SGCD: variants seen among roughly 807,000 people sequenced by gnomAD.
The protein encoded by SGCD is sarcoglycan delta, also known as delta-sarcoglycan.
A neutral mutation model predicts 36.6 loss-of-function variants in SGCD; 18 were observed. The observed-to-expected ratio is 0.49, with a 90% confidence interval of 0.34 to 0.73. The LOEUF is 0.73. Ranked by LOEUF, SGCD falls within the 30% of genes least tolerant of loss-of-function variation. The pLI, the probability that SGCD is intolerant of heterozygous loss-of-function variation, is 0.01. For synonymous variants in SGCD, 133 were observed against 130.6 expected (o/e 1.02, Z -0.12); for missense variants, 387 against 346.7 (o/e 1.12, Z -0.92).
chr5:156,067,897 C>A (rs1328505448), intron 1 of SGCD, among the ~76,000 whole-genome samples: 1 of 129,262 alleles, frequency 7.7e-6, no homozygotes, highest in Non-Finnish European at 1.5e-5. Context: ...AAATCACCGT[C>A]TTCTGCGTCG....
At chr5:156,627,783 C>T (rs1053621851) in intron 6 of SGCD, among the ~76,000 whole-genome samples, 3 of 152,080 alleles carry the variant, frequency 2.0e-5, no homozygotes, top group Non-Finnish European at 1.5e-5. Context: ...AAAAAATAAA[C>T]AATGAGTTTG....
intron 2 of SGCD, among the ~76,000 whole-genome samples, chr5:156,342,705 C>T (rs1768727387): frequency 6.6e-6 from 1 of 152,222 alleles, no homozygotes; most frequent in Non-Finnish European, 1.5e-5. Context: ...CCACAAATCT[C>T]ACTGCCTGGC....
intron 4 of SGCD, among the ~76,000 whole-genome samples, chr5:156,529,499 C>G (rs1012961108): frequency 2.0e-5 from 3 of 149,772 alleles, no homozygotes; most frequent in Admixed American, 2.0e-4. Context: ...TTCTTCACTC[C>G]TATGTTGTTG....
chr5:156,320,293 G>A (rs893899260), intron 3 of SGCD, among the ~76,000 whole-genome samples: 4 of 152,116 alleles, frequency 2.6e-5, no homozygotes, highest in Non-Finnish European at 5.9e-5. Flanking sequence ...AAAGATGAGT[G>A]ATGCTATGCA....
intron 4 of SGCD, among the ~76,000 whole-genome samples, chr5:156,524,279 ATATATAGT>A (rs1757557915): frequency 1.0e-5 from 1 of 99,614 alleles, no homozygotes. Flanking sequence ...ATATAGTAAT[ATATATAGT>A]TATATATATA....
At chr5:155,852,064 G>A in the SGCD span, among the ~76,000 whole-genome samples, 2 of 152,186 alleles carry the variant, frequency 1.3e-5, no homozygotes, top group Admixed American at 1.3e-4. Flanking sequence ...AACCCCTGTC[G>A]TGGATAATGA....
chr5:156,627,804 T>C (rs1016736521), intron 6 of SGCD, among the ~76,000 whole-genome samples: 1 of 152,206 alleles, frequency 6.6e-6, no homozygotes, highest in African/African-American at 2.4e-5. Flanking sequence ...GAGACCCAGA[T>C]TCTGATATTA....
At chr5:155,891,325 G>A (rs570446557) in intron 1 of SGCD, among the ~76,000 whole-genome samples, 46 of 152,170 alleles carry the variant, frequency 3.0e-4, no homozygotes, top group African/African-American at 1.1e-3. Flanking sequence ...TAGAACTTCT[G>A]AGCTCTGTCT....
At chr5:156,545,183 G>A (rs1758517785) in intron 4 of SGCD, among the ~76,000 whole-genome samples, 1 of 152,078 alleles carries the variant, frequency 6.6e-6, no homozygotes, top group African/African-American at 2.4e-5. Context: ...ACTTGTATGT[G>A]TTTTCACTTA....
chr5:156,324,576 C>A (rs1041909260), upstream of SGCD, among the ~76,000 whole-genome samples: 6 of 152,118 alleles, frequency 3.9e-5, no homozygotes, highest in African/African-American at 1.4e-4. Flanking sequence ...TGAGATCTCT[C>A]CAGATGCCCA....
intron 3 of SGCD, among the ~76,000 whole-genome samples, chr5:156,503,305 T>C (rs1581087884): frequency 6.6e-6 from 1 of 152,258 alleles, no homozygotes; most frequent in East Asian, 1.9e-4. Context: ...CACAGTGGGC[T>C]CTCCAAAAAT....
At chr5:155,765,046 A>T in the SGCD span, among the ~76,000 whole-genome samples, 2 of 152,028 alleles carry the variant, frequency 1.3e-5, no homozygotes, top group African/African-American at 4.8e-5. Context: ...TGGGAGGTTG[A>T]GGTGGGAAGA....
rs547128400 is a variant in SGCD, at chr5:156,079,257, A to G, written c.-281-38621A>G. On this transcript the variant is annotated intron_variant, in intron 1 of 9. Transcript: ENST00000517913. ...CTGAGCCACGAGGGATCTGCCCCGC[A>G]TGACCCAAATCCCTCCCACCAGGCC... Among the ~76,000 whole-genome samples the G allele has an allele frequency of 5.9e-4, 90 of 152,210 alleles. 1 individual carries two copies. Among genetic ancestry groups the G allele is most frequent in the African/African-American group, 2.1e-3 (87 of 41,530 alleles).
intron 1 of SGCD, among the ~76,000 whole-genome samples, chr5:155,915,447 C>T (rs1756716390): frequency 6.6e-6 from 1 of 151,902 alleles, no homozygotes. Flanking sequence ...ATACAAGGCC[C>T]CAGAATAGTA....
chr5:156,202,994 G>A (rs992887284), intron 3 of SGCD, among the ~76,000 whole-genome samples: 1 of 152,044 alleles, frequency 6.6e-6, no homozygotes, highest in Non-Finnish European at 1.5e-5. Context: ...AATTATTAAA[G>A]CTTTGATATA....
chr5:156,309,468 A>G (rs1581234553), intron 3 of SGCD, among the ~76,000 whole-genome samples: 1 of 151,608 alleles, frequency 6.6e-6, no homozygotes, highest in Non-Finnish European at 1.5e-5. Context: ...TTTTCATTTC[A>G]GGTATTATAC....
At chr5:156,223,308 G>A (rs1387976248) in intron 3 of SGCD, among the ~76,000 whole-genome samples, 1 of 152,052 alleles carries the variant, frequency 6.6e-6, no homozygotes, top group Non-Finnish European at 1.5e-5. Context: ...AGATGATAGT[G>A]GAGATTGCCA....
At chr5:156,728,901 TA>T (rs1463646760) in intron 7 of SGCD, among the ~76,000 whole-genome samples, 2 of 152,192 alleles carry the variant, frequency 1.3e-5, no homozygotes, top group African/African-American at 4.8e-5. Context: ...AGTTGAGGAT[TA>T]ATCGTTAAAT....
At position 156,605,811 on chromosome 5, in the gene SGCD, A is replaced by G. The variant is rs567040602; in HGVS notation, c.502+10760A>G. Among the ~76,000 whole-genome samples, 4 of 152,186 alleles carry G rather than the reference A, an allele frequency of 2.6e-5. No homozygotes were observed. In the East Asian group the frequency reaches 7.7e-4, roughly 29 times the overall value. On this transcript the variant is annotated intron_variant, in intron 6 of 8. Coordinates refer to ENST00000337851, the MANE Select transcript of SGCD (RefSeq NM_000337.6). ...TCTCTGATGGCCAGTGATGATGAAC[A>G]TTTTTTCATGTGTCTTTTGACTGCA...
Sources: gnomAD v4.1 joint callset for allele counts (sites outside exome capture counted in the v4.1 genomes callset) on GRCh38, gnomAD v4.1.1 for gene constraint, MANE v1.5 for transcripts, NCBI Gene and HGNC (gene_info 2026-07-23, HGNC 2026-07-21) for gene names.